Variants in CDH13 observed in about 807,000 individuals in gnomAD.
CDH13 encodes the protein cadherin-13.
CDH13 carries 24 observed loss-of-function variants against 63.8 expected under a neutral mutation model. The observed-to-expected ratio is 0.38, with a 90% CI of 0.27 to 0.53. CDH13 has a LOEUF of 0.53. CDH13 is among the 20% of genes least tolerant of loss of function. The pLI, the probability that CDH13 is intolerant of heterozygous loss-of-function variation, is 0.85. For missense variants in CDH13, 1,049 were observed against 903.1 expected (o/e 1.16, Z -2.07); for synonymous variants, 503 against 355.3 (o/e 1.42, Z -4.67).
chr16:83,283,811 A>G (rs1026724854), intron 5 of CDH13, among the ~76,000 whole-genome samples: 4 of 152,132 alleles, frequency 2.6e-5, no homozygotes, highest in Non-Finnish European at 4.4e-5. Flanking sequence ...GTCTTAGAAT[A>G]GCCTTTTTTG....
chr16:83,483,957 A>T (rs944543325), intron 6 of CDH13, among the ~76,000 whole-genome samples: 2 of 152,110 alleles, frequency 1.3e-5, no homozygotes, highest in Admixed American at 1.3e-4. Context: ...ATGGGCCAAG[A>T]ATGTTCTTTT....
intron 2 of CDH13, among the ~76,000 whole-genome samples, chr16:83,011,037 T>G (rs1914100163): frequency 6.6e-6 from 1 of 151,950 alleles, no homozygotes; most frequent in East Asian, 1.9e-4. Flanking sequence ...CTGGCCAGAG[T>G]CATGATAAAT....
chr16:82,757,076 C>T lies in CDH13; in HGVS notation c.46-101286C>T, dbSNP rs181940588. On this transcript the variant is annotated intron_variant, in intron 1 of 13. Coordinates refer to ENST00000567109, the MANE Select transcript of CDH13 (RefSeq NM_001257.5). ...TGGGGACATTGACGCTCCTCCATCA[C>T]TCTCACCTCCAGTCCTCTCTTCCCA... is the stretch of plus-strand genomic sequence containing the variant. Among the ~76,000 whole-genome samples, 4 of 152,272 alleles carry T rather than the reference C, an allele frequency of 2.6e-5. No homozygotes were observed. In the East Asian group the frequency reaches 7.7e-4, roughly 29 times the overall value.
chr16:83,087,242 G>A (rs1359958896), intron 3 of CDH13, among the ~76,000 whole-genome samples: 1 of 152,094 alleles, frequency 6.6e-6, no homozygotes, highest in East Asian at 1.9e-4. Context: ...ACGTGATAAA[G>A]TTTGCTTTGA....
chr16:82,803,558 C>T (rs1197977118), intron 1 of CDH13, among the ~76,000 whole-genome samples: 1 of 152,120 alleles, frequency 6.6e-6, no homozygotes, highest in Non-Finnish European at 1.5e-5. Context: ...CCTGTAGTCG[C>T]TCTAAGTCGT....
At chr16:83,123,910 AGAT>A (rs1332669064) in intron 3 of CDH13, among the ~76,000 whole-genome samples, 3 of 152,226 alleles carry the variant, frequency 2.0e-5, no homozygotes, top group Non-Finnish European at 4.4e-5. Flanking sequence ...GACTGGTATA[AGAT>A]GATATCGCAT....
At chr16:83,267,755 C>T (rs970782783) in intron 5 of CDH13, among the ~76,000 whole-genome samples, 1 of 152,184 alleles carries the variant, frequency 6.6e-6, no homozygotes, top group Non-Finnish European at 1.5e-5. Context: ...CCCTCCAGGA[C>T]CATGAGCCAA....
At chr16:82,743,669 C>T (rs757104254) in intron 1 of CDH13, among the ~76,000 whole-genome samples, 1 of 152,162 alleles carries the variant, frequency 6.6e-6, no homozygotes, top group Non-Finnish European at 1.5e-5. Flanking sequence ...GCATTCTTTT[C>T]CTTGGTCAGC....
At chr16:82,734,083 T>C (rs575837968) in intron 1 of CDH13, among the ~76,000 whole-genome samples, 1 of 152,252 alleles carries the variant, frequency 6.6e-6, no homozygotes, top group South Asian at 2.1e-4. Flanking sequence ...AGAAAGTGTT[T>C]GAGTTGAGAC....
At chr16:83,495,428 A>G (rs926764210) in intron 7 of CDH13, among the ~76,000 whole-genome samples, 25 of 152,188 alleles carry the variant, frequency 1.6e-4, no homozygotes, top group African/African-American at 4.8e-4. Context: ...CTTACTATGT[A>G]GACGAAGCCT....
At chr16:83,571,823 A>G (rs1567774598) in intron 7 of CDH13, among the ~76,000 whole-genome samples, 1 of 152,190 alleles carries the variant, frequency 6.6e-6, no homozygotes, top group Non-Finnish European at 1.5e-5. Context: ...TGCCTGAGCT[A>G]GAAACTACCT....
intron 2 of CDH13, among the ~76,000 whole-genome samples, chr16:82,972,444 C>T (rs746389803): frequency 3.2e-4 from 49 of 152,186 alleles, no homozygotes; most frequent in Non-Finnish European, 6.9e-4. Context: ...CATCTCATCT[C>T]TTCTTTAGCC....
intron 7 of CDH13, among the ~76,000 whole-genome samples, chr16:83,573,203 G>C (rs1340053027): frequency 6.6e-6 from 1 of 152,184 alleles, no homozygotes; most frequent in African/African-American, 2.4e-5. Context: ...GGGGAGGTAG[G>C]GAGGAAGGTT....
chr16:83,514,440 T>C (rs2074651424), intron 7 of CDH13, among the ~76,000 whole-genome samples: 1 of 152,116 alleles, frequency 6.6e-6, no homozygotes, highest in South Asian at 2.1e-4. Context: ...GTTCAGAAGT[T>C]TGAGACCAGC....
chr16:83,252,657 A>T (rs1051829407), intron 5 of CDH13, among the ~76,000 whole-genome samples: 1 of 152,112 alleles, frequency 6.6e-6, no homozygotes, highest in Non-Finnish European at 1.5e-5. Flanking sequence ...TTAAGGGCCA[A>T]CCTGGGGCGA....
intron 5 of CDH13, among the ~76,000 whole-genome samples, chr16:83,327,616 T>C (rs536601112): frequency 6.6e-6 from 1 of 152,220 alleles, no homozygotes; most frequent in South Asian, 2.1e-4. Flanking sequence ...ACCAGAAAAA[T>C]GGCTGTTCAG....
intron 2 of CDH13, among the ~76,000 whole-genome samples, chr16:82,862,547 A>T (rs1411911756): frequency 8.7e-6 from 1 of 114,306 alleles, no homozygotes; most frequent in Admixed American, 9.7e-5. Context: ...CATAGCCACC[A>T]TTAGAACTGT....
intron 5 of CDH13, among the ~76,000 whole-genome samples, chr16:83,230,477 C>T (rs984987576): frequency 1.3e-5 from 2 of 152,136 alleles, no homozygotes; most frequent in Non-Finnish European, 2.9e-5. Flanking sequence ...ATTCCCAAAT[C>T]TGGAATTATT....
At chr16:83,220,623 T>TGAATAA (rs1473628903) in intron 5 of CDH13, among the ~76,000 whole-genome samples, 1 of 50,906 alleles carries the variant, frequency 2.0e-5, no homozygotes, top group Non-Finnish European at 4.3e-5. Context: ...AAATAATAAA[T>TGAATAA]AAATAAAAAT....
Sources: gnomAD v4.1 joint callset for allele counts (sites outside exome capture counted in the v4.1 genomes callset) on GRCh38, gnomAD v4.1.1 for gene constraint, MANE v1.5 for transcripts, NCBI Gene and HGNC (gene_info 2026-07-23, HGNC 2026-07-21) for gene names.